FOXP1: variants seen among roughly 807,000 people sequenced by gnomAD.
FOXP1 encodes the protein forkhead box protein P1.
Under a neutral mutation model 98.2 loss-of-function variants are expected in FOXP1, and 15 were observed. The ratio of observed to expected loss-of-function variants is 0.15; its 90% CI spans 0.10 to 0.24. FOXP1 has a LOEUF of 0.24. Among genes scored for constraint, FOXP1 ranks in the 10% least tolerant of loss-of-function variants. The pLI is 1.00. For synonymous variants in FOXP1, 371 were observed against 314.5 expected (o/e 1.18, Z -1.90); for missense variants, 633 against 848.5 (o/e 0.75, Z 3.15).
chr3:71,306,205 G>T (rs533655217), intron 4 of FOXP1, among the ~76,000 whole-genome samples: 2 of 151,940 alleles, frequency 1.3e-5, no homozygotes, highest in African/African-American at 4.8e-5. Context: ...CTATTCCAGG[G>T]GACACCACTA....
chr3:71,124,460 T>C (rs2059011724), intron 6 of FOXP1, among the ~76,000 whole-genome samples: 1 of 151,874 alleles, frequency 6.6e-6, no homozygotes, highest in Admixed American at 6.6e-5. Context: ...GTAAAATAAC[T>C]ACAATAGTTA....
At chr3:71,064,039 G>C (rs2051961886) in intron 7 of FOXP1, among the ~76,000 whole-genome samples, 1 of 152,082 alleles carries the variant, frequency 6.6e-6, no homozygotes, top group South Asian at 2.1e-4. Flanking sequence ...GGAGTACCCC[G>C]TGGCAATTCC....
chr3:71,207,779 C>T (rs1299341438), intron 5 of FOXP1, among the ~76,000 whole-genome samples: 1 of 152,142 alleles, frequency 6.6e-6, no homozygotes, highest in African/African-American at 2.4e-5. Context: ...AGAGTTTTCT[C>T]TACTGTTTGC....
At chr3:71,096,771 A>T (rs1455635038) in intron 7 of FOXP1, among the ~76,000 whole-genome samples, 3 of 152,236 alleles carry the variant, frequency 2.0e-5, no homozygotes, top group Non-Finnish European at 4.4e-5. Context: ...GGACGAGAGT[A>T]AAGTGTCTTG....
At chr3:71,067,870 C>T (rs375946278) in intron 7 of FOXP1, among the ~76,000 whole-genome samples, 11 of 151,076 alleles carry the variant, frequency 7.3e-5, no homozygotes, top group Non-Finnish European at 1.5e-4. Flanking sequence ...AAGCTGTGAT[C>T]GCACCACTGC....
chr3:71,145,280 T>TA (rs2060255508), intron 6 of FOXP1, among the ~76,000 whole-genome samples: 2 of 152,172 alleles, frequency 1.3e-5, no homozygotes, highest in Non-Finnish European at 2.9e-5. Flanking sequence ...CTCACACCTG[T>TA]AATCCCAGGA....
intron 3 of FOXP1, among the ~76,000 whole-genome samples, chr3:71,382,578 C>T (rs1360917704): frequency 6.6e-6 from 1 of 152,208 alleles, no homozygotes; most frequent in East Asian, 1.9e-4. Flanking sequence ...CTTTTCCACT[C>T]TCCTGCTTCA....
At chr3:71,352,454 G>A (rs985440278) in intron 4 of FOXP1, among the ~76,000 whole-genome samples, 1 of 122,040 alleles carries the variant, frequency 8.2e-6, no homozygotes, top group Non-Finnish European at 1.6e-5. Context: ...CTGGGCAACA[G>A]AGCGAGACTC....
chr3:71,541,888 T>C (rs556683459), intron 2 of FOXP1: 43 of 467,136 alleles, frequency 9.2e-5, no homozygotes, highest in South Asian at 6.8e-4. Context: ...CTTGCCTAGT[T>C]TTTAGGACTC....
intron 2 of FOXP1, among the ~76,000 whole-genome samples, chr3:71,575,932 G>A (rs1350892276): frequency 2.0e-5 from 3 of 152,186 alleles, no homozygotes; most frequent in African/African-American, 7.2e-5. Flanking sequence ...TAAACAAAGT[G>A]AATCACAAAA....
intron 3 of FOXP1, among the ~76,000 whole-genome samples, chr3:71,446,292 C>A (rs1461456239): frequency 6.6e-6 from 1 of 152,100 alleles, no homozygotes; most frequent in Non-Finnish European, 1.5e-5. Context: ...GTGGTGGTAG[C>A]AGCTCTGGTT....
At chr3:71,020,288 T>A (rs895203213) in intron 11 of FOXP1, among the ~76,000 whole-genome samples, 1 of 152,158 alleles carries the variant, frequency 6.6e-6, no homozygotes, top group Admixed American at 6.5e-5. Flanking sequence ...ATCCAGTATA[T>A]ATTCAGTAGG....
Position 70,977,017 on chromosome 3 carries a change from T to C in FOXP1, c.1454A>G (p.Gln485Arg). The change falls in exon 17 of 21, where the codon CAG (glutamine) becomes CGG (arginine). Residue 485 changes from glutamine (Q) to arginine (R), a missense_variant. Coordinates refer to ENST00000649528, the MANE Select transcript of FOXP1 (RefSeq NM_001349338.3). ...GTTATAGATCTCATTTAGTGTTAGC[T>C]GCTTTTCTGGAGATTCGAGAATGGC... Reference protein sequence around the residue: ...RQAILESPEKQLTLNEIYNWF... With the variant: ...RQAILESPEKRLTLNEIYNWF... 1 of 1,613,990 alleles carries C rather than the reference T, an allele frequency of 6.2e-7. No homozygotes were observed. Among genetic ancestry groups the C allele is most frequent in the Middle Eastern group, 1.6e-4 (1 of 6,062 alleles).
At chr3:71,176,512 T>C (rs2061944720) in intron 6 of FOXP1, among the ~76,000 whole-genome samples, 1 of 152,148 alleles carries the variant, frequency 6.6e-6, no homozygotes, top group South Asian at 2.1e-4. Flanking sequence ...GCCTTAGCTT[T>C]ATTGCCTATA....
Position 71,485,839 on chromosome 3 carries a change from T to C in FOXP1, c.-168+7587A>G, listed in dbSNP as rs79513375. Reference sequence around the variant, plus strand: ...ATCCAGTGGCATGACTCTGGGGAGATTTTTTTCAACTGAGGAAAAAGCCAG... The same window carrying C: ...ATCCAGTGGCATGACTCTGGGGAGACTTTTTTCAACTGAGGAAAAAGCCAG... On this transcript the variant is annotated intron_variant, in intron 3 of 20. Coordinates refer to ENST00000649528, the MANE Select transcript of FOXP1 (RefSeq NM_001349338.3). 7.7e-3 allele frequency among the ~76,000 whole-genome samples: 1,167 copies of C among 151,322 alleles called. 31 individuals are homozygous for C. The highest frequency in any genetic ancestry group is 0.043 in the Admixed American group (657 of 15,240).
chr3:71,402,131 A>G (rs913834815), intron 3 of FOXP1, among the ~76,000 whole-genome samples: 1 of 152,128 alleles, frequency 6.6e-6, no homozygotes, highest in African/African-American at 2.4e-5. Flanking sequence ...AGAAGTTCTC[A>G]TGCATGCCAA....
intron 3 of FOXP1, among the ~76,000 whole-genome samples, chr3:71,407,105 T>C (rs2082402721): frequency 6.6e-6 from 1 of 152,060 alleles, no homozygotes; most frequent in Non-Finnish European, 1.5e-5. Context: ...ATACAGCAAC[T>C]CCACTCTGTT....
At chr3:71,501,336 C>T (rs1412988873) in intron 2 of FOXP1, among the ~76,000 whole-genome samples, 2 of 141,186 alleles carry the variant, frequency 1.4e-5, no homozygotes, top group African/African-American at 5.3e-5. Context: ...CGCTGTGTTG[C>T]CAGGCTGGAG....
chr3:71,188,128 C>G (rs2062753448), intron 6 of FOXP1, among the ~76,000 whole-genome samples: 1 of 152,174 alleles, frequency 6.6e-6, no homozygotes, highest in Non-Finnish European at 1.5e-5. Flanking sequence ...AGAGGCATGA[C>G]TCTGCTGTTG....
Sources: gnomAD v4.1 joint callset for allele counts (sites outside exome capture counted in the v4.1 genomes callset) on GRCh38, gnomAD v4.1.1 for gene constraint, MANE v1.5 for transcripts, NCBI Gene and HGNC (gene_info 2026-07-23, HGNC 2026-07-21) for gene names.